Variants in PDE1C observed in about 807,000 individuals in gnomAD.
PDE1C encodes dual specificity calcium/calmodulin-dependent 3',5'-cyclic nucleotide phosphodiesterase 1C.
PDE1C carries 62 observed loss-of-function variants against 93.1 expected under a neutral mutation model. The ratio of observed to expected loss-of-function variants is 0.67; its 90% CI spans 0.54 to 0.82. The LOEUF (loss-of-function observed/expected upper bound fraction) is 0.82, where lower values mean the gene tolerates loss of function less well. Among genes scored for constraint, PDE1C ranks in the 40% least tolerant of loss-of-function variants. PDE1C has a pLI of 0.00. For missense variants in PDE1C, 742 were observed against 884.6 expected, an observed-to-expected ratio of 0.84 and a Z score of 2.04; for synonymous variants, 325 against 310.1, an observed-to-expected ratio of 1.05 and a Z score of -0.50.
chr7:31,998,144 C>T (rs928884128), intron 2 of PDE1C, among the ~76,000 whole-genome samples: 15 of 152,006 alleles, frequency 9.9e-5, no homozygotes, highest in East Asian at 3.9e-4. Flanking sequence ...CTCAGCCTCC[C>T]GAGTAGCTGG....
chr7:31,619,655 G>C, the PDE1C span, among the ~76,000 whole-genome samples: 2 of 152,104 alleles, frequency 1.3e-5, no homozygotes, highest in African/African-American at 4.8e-5. Flanking sequence ...AACAGCTCCA[G>C]TCTACAGCCC....
intron 2 of PDE1C, among the ~76,000 whole-genome samples, chr7:32,003,505 C>T (rs1213153962): frequency 6.6e-6 from 1 of 152,188 alleles, no homozygotes; most frequent in Non-Finnish European, 1.5e-5. Flanking sequence ...ATATAAGTTC[C>T]ATCCATCATG....
chr7:31,949,964 C>T (rs946315746), intron 2 of PDE1C, among the ~76,000 whole-genome samples: 2 of 152,110 alleles, frequency 1.3e-5, no homozygotes, highest in African/African-American at 4.8e-5. Flanking sequence ...CAAAGACCTG[C>T]TACAGTGAAG....
chr7:32,013,364 C>T (rs1009157435), intron 2 of PDE1C, among the ~76,000 whole-genome samples: 2 of 152,200 alleles, frequency 1.3e-5, no homozygotes, highest in Admixed American at 6.5e-5. Context: ...TAAATTTTCT[C>T]AGCAAGGCCA....
At chr7:32,193,295 TCTTC>T (rs1193645463) in intron 2 of PDE1C, among the ~76,000 whole-genome samples, 1 of 152,206 alleles carries the variant, frequency 6.6e-6, no homozygotes, top group Non-Finnish European at 1.5e-5. Context: ...TTTTTGTAGA[TCTTC>T]CTTATCAAGT....
At chr7:32,070,658 AG>A, upstream of PDE1C, 1 of 1,353,716 alleles carries the variant, frequency 7.4e-7, no homozygotes, top group East Asian at 3.1e-5. Flanking sequence ...GCACAGGGAT[AG>A]GGATAGAGAT....
the PDE1C span, chr7:31,643,865 G>C: frequency 3.1e-6 from 5 of 1,613,910 alleles, no homozygotes; most frequent in South Asian, 3.3e-5. Context: ...TGTAGGCACT[G>C]CCTGTGTTCA....
At chr7:32,305,565 C>T (rs527336427) in intron 1 of PDE1C, among the ~76,000 whole-genome samples, 1 of 152,340 alleles carries the variant, frequency 6.6e-6, no homozygotes, top group South Asian at 2.1e-4. Flanking sequence ...CTTCCTCTTC[C>T]TATCCTTCCT....
chr7:31,859,234 T>G (rs1040830230), intron 7 of PDE1C, among the ~76,000 whole-genome samples: 2 of 149,654 alleles, frequency 1.3e-5, no homozygotes, highest in African/African-American at 4.9e-5. Flanking sequence ...TATATACATA[T>G]AGAGAGAGTG....
intron 2 of PDE1C, among the ~76,000 whole-genome samples, chr7:31,961,130 A>C (rs1167598480): frequency 6.6e-6 from 1 of 152,206 alleles, no homozygotes; most frequent in Non-Finnish European, 1.5e-5. Flanking sequence ...AATGAGCTAC[A>C]ATTAATCTAG....
At chr7:31,625,048 A>G in the PDE1C span, among the ~76,000 whole-genome samples, 2 of 152,228 alleles carry the variant, frequency 1.3e-5, no homozygotes, top group Non-Finnish European at 2.9e-5. Flanking sequence ...GCCATCAGAG[A>G]AATGCAAATC....
At chr7:31,650,380 C>T in the PDE1C span, among the ~76,000 whole-genome samples, 3 of 152,028 alleles carry the variant, frequency 2.0e-5, no homozygotes, top group Non-Finnish European at 4.4e-5. Context: ...GTGGTCAAGT[C>T]TGTTAGTGGA....
At chr7:32,056,433 T>C (rs1794118986) in intron 1 of PDE1C, among the ~76,000 whole-genome samples, 1 of 151,832 alleles carries the variant, frequency 6.6e-6, no homozygotes, top group African/African-American at 2.4e-5. Context: ...TTTCTGTTTT[T>C]CTAAGGGGAG....
At chr7:31,697,145 A>AG in the PDE1C span, 1 of 1,611,856 alleles carries the variant, frequency 6.2e-7, no homozygotes. Flanking sequence ...GGGCATTTGC[A>AG]GGGGGTGATG....
At chr7:32,277,334 C>A (rs1008305105) in intron 1 of PDE1C, among the ~76,000 whole-genome samples, 5 of 152,156 alleles carry the variant, frequency 3.3e-5, no homozygotes, top group Admixed American at 1.3e-4. Flanking sequence ...TGAATAGTTT[C>A]TTTAATCTTC....
chr7:32,181,044 T>C (rs1803370471), intron 2 of PDE1C, among the ~76,000 whole-genome samples: 1 of 152,176 alleles, frequency 6.6e-6, no homozygotes, highest in Non-Finnish European at 1.5e-5. Context: ...AATGAAGATT[T>C]GAAACAATCT....
the PDE1C span, among the ~76,000 whole-genome samples, chr7:31,709,666 C>G: frequency 0.038 from 5,750 of 152,196 alleles, 386 homozygotes; most frequent in African/African-American, 0.13. Context: ...CAAAACCAGA[C>G]AAAACATAAC....
Position 32,424,050 on chromosome 7 carries a change from G to GC in PDE1C, c.310+3771_310+3772insG, listed in dbSNP as rs558332866. Among the ~76,000 whole-genome samples the GC allele has an allele frequency of 5.6e-3, 851 of 152,282 alleles. 9 individuals carry two copies. Among genetic ancestry groups the GC allele is most frequent in the African/African-American group, 0.019 (795 of 41,536 alleles). On this transcript the variant is annotated intron_variant, in intron 1 of 1. Transcript: ENST00000672256. ...TGTAATGTGTTTTATTTAATTACTT[G>GC]TTTGTTCTGAGGTAACTTCTCATTG... is the stretch of plus-strand genomic sequence containing the variant.
At chr7:32,299,001 G>A (rs1812804779) in exon 1 of PDE1C, 5 of 1,265,310 alleles carry the variant, frequency 4.0e-6, no homozygotes, top group Non-Finnish European at 5.0e-6. Flanking sequence ...GAGGCGGCGA[G>A]AGGAGTGTCA....
Sources: gnomAD v4.1 joint callset for allele counts (sites outside exome capture counted in the v4.1 genomes callset) on GRCh38, gnomAD v4.1.1 for gene constraint, MANE v1.5 for transcripts, NCBI Gene and HGNC (gene_info 2026-07-23, HGNC 2026-07-21) for gene names.